PPP2R2C: variants seen among roughly 807,000 people sequenced by gnomAD.
PPP2R2C encodes protein phosphatase 2 regulatory subunit Bgamma.
A neutral mutation model predicts 45.3 loss-of-function variants in PPP2R2C; 10 were observed. That is an observed-to-expected ratio of 0.22 (90% confidence interval 0.14 to 0.37). PPP2R2C has a LOEUF of 0.37. PPP2R2C is among the 10% of genes least tolerant of loss of function. The probability of loss-of-function intolerance (pLI) is 1.00; values close to 1 mark genes in which losing one functional copy is unlikely to be tolerated. For missense variants in PPP2R2C, 308 were observed against 619.7 expected (o/e 0.50, Z 5.34); for synonymous variants, 257 against 245.4 (o/e 1.05, Z -0.44).
At position 6,545,276 on chromosome 4, in the gene PPP2R2C, T is replaced by G. The variant is rs556061193; in HGVS notation, c.-58-9899A>C. Among the ~76,000 whole-genome samples, 3 of 152,354 alleles carry G rather than the reference T, an allele frequency of 2.0e-5. No individual in the cohort carries two copies. The South Asian group carries it at 6.2e-4, about 32-fold the overall frequency. ...CTGCCTAAGTAAACAACAAAATGACTGAAATCGTGTTATAATTTATCATAG... is the reference window on the plus strand; with the variant it reads ...CTGCCTAAGTAAACAACAAAATGACGGAAATCGTGTTATAATTTATCATAG... On this transcript the variant is annotated intron_variant, in intron 1 of 9. Transcript: ENST00000506140.
chr4:6,337,356 G>A (rs1310226024), intron 6 of PPP2R2C, among the ~76,000 whole-genome samples: 3 of 151,386 alleles, frequency 2.0e-5, no homozygotes, highest in Non-Finnish European at 2.9e-5. Flanking sequence ...AGGGACCCCC[G>A]GTGGCTAAAT....
At chr4:6,349,530 C>G in intron 5 of PPP2R2C, 3 of 985,376 alleles carry the variant, frequency 3.0e-6, no homozygotes, top group Non-Finnish European at 3.6e-6. Context: ...TCCATCTGCC[C>G]TCCCTCTTCC....
chr4:6,327,692 G>A (rs1250078513), intron 8 of PPP2R2C, among the ~76,000 whole-genome samples: 2 of 152,164 alleles, frequency 1.3e-5, no homozygotes, highest in Non-Finnish European at 2.9e-5. Flanking sequence ...AGGGCCTAGA[G>A]AGAAGGTCCT....
At chr4:6,357,568 C>A (rs1323280939) in intron 5 of PPP2R2C, among the ~76,000 whole-genome samples, 1 of 152,238 alleles carries the variant, frequency 6.6e-6, no homozygotes. Context: ...AGCCCCAGGC[C>A]TACAGGAGGC....
chr4:6,474,235 G>A (rs1722056045), upstream of PPP2R2C, among the ~76,000 whole-genome samples: 1 of 136,642 alleles, frequency 7.3e-6, no homozygotes, highest in African/African-American at 2.8e-5. Flanking sequence ...CCCACTCTCT[G>A]TCCACACCCC....
chr4:6,472,514 G>C lies in PPP2R2C; in HGVS notation c.-285C>G, dbSNP rs530573517. 6,735 of 158,038 alleles carry C rather than the reference G, an allele frequency of 0.043. 424 individuals are homozygous for C. The highest frequency in any genetic ancestry group is 0.33 in the East Asian group (1,643 of 4,998). The allele number at this position is 158,038 out of a possible 1,614,324, so 9.8% of individuals were successfully genotyped here. On this transcript the variant is annotated 5_prime_UTR_variant, in exon 1 of 9. Coordinates refer to ENST00000382599, the MANE Select transcript of PPP2R2C (RefSeq NM_020416.4). Reference sequence around the variant, plus strand: ...CCGTGCGCGCTGCGTCCGTGCGCCCGGCGGCGGGGCCTGGTGCCGGTGCGC... The same window carrying C: ...CCGTGCGCGCTGCGTCCGTGCGCCCCGCGGCGGGGCCTGGTGCCGGTGCGC...
chr4:6,497,972 G>A lies in PPP2R2C; in HGVS notation c.49+37299C>T, dbSNP rs564255141. 4.6e-5 allele frequency among the ~76,000 whole-genome samples: 7 copies of A among 152,372 alleles called. No individual in the cohort carries two copies. In the South Asian group the frequency reaches 1.4e-3, roughly 32 times the overall value. ...ATCTAAAAGCCTGCGAATGTGGAGAGCTGGCGAGGACTTACAGCATCCATA... is the reference window on the plus strand; with the variant it reads ...ATCTAAAAGCCTGCGAATGTGGAGAACTGGCGAGGACTTACAGCATCCATA... On this transcript the variant is annotated intron_variant, in intron 2 of 9. Coordinates refer to the PPP2R2C transcript ENST00000506140.
Position 6,472,350 on chromosome 4 carries a change from G to A in PPP2R2C, c.-121C>T, listed in dbSNP as rs1399226493. On this transcript the variant is annotated 5_prime_UTR_variant, in exon 1 of 9. Transcript: ENST00000382599. The stretch of plus-strand genomic sequence containing the variant: ...CCTAGCAGGGGCGCGGGCCGCCGGG[G>A]CCCCGAAGGGAGGGCATCGCGGCAG... The A allele has an allele frequency of 1.0e-5, 13 of 1,238,288 alleles. No individual in the cohort carries two copies. Among genetic ancestry groups the A allele is most frequent in the Middle Eastern group, 5.8e-4 (2 of 3,478 alleles). 76.7% of individuals were successfully genotyped at this position (1,238,288 alleles called of 1,614,324 possible).
intron 2 of PPP2R2C, among the ~76,000 whole-genome samples, chr4:6,491,010 G>A (rs1181618242): frequency 6.6e-6 from 1 of 152,134 alleles, no homozygotes; most frequent in Non-Finnish European, 1.5e-5. Flanking sequence ...TCTCCTGAAC[G>A]CGGGGCACCA....
chr4:6,378,129 C>T lies in PPP2R2C; in HGVS notation c.334+278G>A, dbSNP rs981763996. Among the ~76,000 whole-genome samples, 3 of 152,138 alleles carry T rather than the reference C, an allele frequency of 2.0e-5. No individual in the cohort carries two copies. The highest frequency in any genetic ancestry group is 7.2e-5 in the African/African-American group (3 of 41,430). On this transcript the variant is annotated intron_variant, in intron 3 of 8. Coordinates refer to ENST00000382599, the MANE Select transcript of PPP2R2C (RefSeq NM_020416.4). This position sits in a 1 kb window ranked among gnomAD's most constrained non-coding sequence, Gnocchi z 5.2. ...TTCACAGCAGGGGGCAGCCCTGTGT[C>T]TGGCCATGGGGAGCTTCTGAGAGGG... is the stretch of plus-strand genomic sequence containing the variant.
intron 5 of PPP2R2C, among the ~76,000 whole-genome samples, chr4:6,358,017 C>T (rs1032687233): frequency 5.3e-5 from 8 of 152,168 alleles, no homozygotes; most frequent in Non-Finnish European, 1.2e-4. Flanking sequence ...AAAAAAGAGC[C>T]CGCATTCCCA....
At chr4:6,375,689 C>A in intron 4 of PPP2R2C, 130 bp downstream of exon 4, 1 of 737,406 alleles carries the variant, frequency 1.4e-6, no homozygotes, top group Non-Finnish European at 2.3e-6. Flanking sequence ...CGCCCGTGGC[C>A]GCCCAGCAGC....
At chr4:6,481,251 G>A (rs568741185) in intron 2 of PPP2R2C, among the ~76,000 whole-genome samples, 3 of 152,226 alleles carry the variant, frequency 2.0e-5, no homozygotes, top group South Asian at 2.1e-4. Flanking sequence ...TTGTCTACCC[G>A]CTGAGTTATA....
chr4:6,547,776 G>T (rs1406412464), intron 1 of PPP2R2C, among the ~76,000 whole-genome samples: 1 of 152,100 alleles, frequency 6.6e-6, no homozygotes, highest in Non-Finnish European at 1.5e-5. Context: ...AACGCAACGG[G>T]ACACAGGCCT....
At chr4:6,381,248 C>A in intron 1 of PPP2R2C, 154 bp from the exon 2 acceptor site, 1 of 1,534,672 alleles carries the variant, frequency 6.5e-7, no homozygotes, top group South Asian at 1.2e-5. Flanking sequence ...TCAGGAGCAT[C>A]GGCGAGGGGC....
intron 1 of PPP2R2C, among the ~76,000 whole-genome samples, chr4:6,409,094 T>C (rs1318850054): frequency 6.6e-6 from 1 of 152,122 alleles, no homozygotes; most frequent in African/African-American, 2.4e-5. Context: ...AACAGCAGTG[T>C]GTGTTCCCTG....
intron 2 of PPP2R2C, among the ~76,000 whole-genome samples, chr4:6,488,438 C>T (rs1387543150): frequency 6.6e-6 from 1 of 152,130 alleles, no homozygotes; most frequent in African/African-American, 2.4e-5. Flanking sequence ...AATTCTACCA[C>T]TTTGGGAAGC....
intron 1 of PPP2R2C, among the ~76,000 whole-genome samples, chr4:6,446,554 C>G (rs978998634): frequency 6.6e-6 from 1 of 152,144 alleles, no homozygotes; most frequent in East Asian, 1.9e-4. Flanking sequence ...AGATTTCACA[C>G]GGGAAAGCCC....
chr4:6,528,500 C>T (rs1221767971), intron 2 of PPP2R2C, among the ~76,000 whole-genome samples: 1 of 149,478 alleles, frequency 6.7e-6, no homozygotes, highest in African/African-American at 2.5e-5. Flanking sequence ...CCTGGAGCCC[C>T]AGTCACCAGA....
Sources: allele counts gnomAD v4.1 joint callset (sites outside exome capture counted in the v4.1 genomes callset), GRCh38; gene constraint gnomAD v4.1.1; non-coding constraint Gnocchi (gnomAD v3.1); transcripts MANE v1.5; gene names NCBI Gene and HGNC (gene_info 2026-07-23, HGNC 2026-07-21).